SOX5: variants seen among roughly 807,000 people sequenced by gnomAD.
SOX5 encodes the protein transcription factor SOX-5.
A neutral mutation model predicts 92.0 loss-of-function variants in SOX5; 9 were observed. That is an observed-to-expected ratio of 0.10 (90% CI 0.06 to 0.17). The LOEUF is 0.17. SOX5 is among the 10% of genes least tolerant of loss of function. SOX5 has a pLI of 1.00. For missense variants in SOX5, 642 were observed against 944.5 expected (o/e 0.68, Z 4.20); for synonymous variants, 344 against 336.3 (o/e 1.02, Z -0.25).
chr12:24,016,641 C>CA (rs1288545569), intron 4 of SOX5, among the ~76,000 whole-genome samples: 3 of 151,966 alleles, frequency 2.0e-5, no homozygotes, highest in African/African-American at 4.8e-5. Context: ...TGCAGAAACG[C>CA]AAAAAAATGG....
chr12:24,444,847 CCTCT>C (rs1386138203), intron 1 of SOX5, among the ~76,000 whole-genome samples: 2 of 152,186 alleles, frequency 1.3e-5, no homozygotes, highest in African/African-American at 4.8e-5. Context: ...CTCAATTCAA[CCTCT>C]CTATCTGCCC....
At chr12:23,932,723 A>AT (rs952940954) in intron 1 of SOX5, among the ~76,000 whole-genome samples, 1 of 151,608 alleles carries the variant, frequency 6.6e-6, no homozygotes, top group African/African-American at 2.4e-5. Context: ...ATCTGATTAA[A>AT]TGAACATTTT....
chr12:24,287,406 T>C (rs548879048), intron 2 of SOX5, among the ~76,000 whole-genome samples: 8 of 152,176 alleles, frequency 5.3e-5, no homozygotes, highest in Non-Finnish European at 1.2e-4. Flanking sequence ...AGAGGAAACA[T>C]GAACAAAGTA....
intron 2 of SOX5, among the ~76,000 whole-genome samples, chr12:24,284,791 G>C (rs942254303): frequency 6.6e-6 from 1 of 152,130 alleles, no homozygotes; most frequent in Non-Finnish European, 1.5e-5. Context: ...AATTTTTACT[G>C]TCAATGTGTA....
At chr12:23,951,285 A>G (rs1595871948), upstream of SOX5, among the ~76,000 whole-genome samples, 1 of 151,686 alleles carries the variant, frequency 6.6e-6, no homozygotes, top group East Asian at 2.0e-4. Context: ...AAAAAAAAAT[A>G]AAAGCCAGAC....
At chr12:23,674,893 T>C (rs987864751) in intron 6 of SOX5, among the ~76,000 whole-genome samples, 1 of 152,042 alleles carries the variant, frequency 6.6e-6, no homozygotes, top group Non-Finnish European at 1.5e-5. Flanking sequence ...TAGAACGACA[T>C]AGTACCTGGC....
chr12:23,850,399 G>A (rs1308456320), intron 2 of SOX5, among the ~76,000 whole-genome samples: 19 of 149,534 alleles, frequency 1.3e-4, no homozygotes, highest in East Asian at 2.0e-4. Flanking sequence ...ACTGCACTCC[G>A]GCCTGGTGAC....
At chr12:24,395,830 T>A (rs934215024) in intron 1 of SOX5, among the ~76,000 whole-genome samples, 4 of 152,184 alleles carry the variant, frequency 2.6e-5, no homozygotes, top group Non-Finnish European at 5.9e-5. Flanking sequence ...AACCAGGATT[T>A]CCTGGGTACT....
In SOX5 at chr12:23,804,419, A is replaced by G. The variant is rs140800101; in HGVS notation, c.481+41564T>C. ...TTCCAGTAAGTGTGTGGCCAGGAAG[A>G]ATAGGCAATGAGAAAAATGGATTGT... On this transcript the variant is annotated intron_variant, in intron 3 of 14. Transcript: ENST00000451604. Among the ~76,000 whole-genome samples the G allele has an allele frequency of 8.2e-3, 1,253 of 152,232 alleles. 34 individuals carry two copies. The South Asian group carries it at 0.087, about 11-fold the overall frequency.
rs944231036 is a variant in SOX5 at position 23,874,623 on chromosome 12, A to G, written c.270+21170T>C. Among the ~76,000 whole-genome samples the G allele has an allele frequency of 2.6e-5, 4 of 152,222 alleles. No homozygotes were observed. In the East Asian group the frequency reaches 7.7e-4, roughly 29 times the overall value. The stretch of plus-strand genomic sequence containing the variant: ...GAGAATTTAGCCCAAAGCTAGAGTT[A>G]TAAGAAGAGAGAGAGAGTGAATAGA... On this transcript the variant is annotated intron_variant, in intron 2 of 14. Coordinates refer to ENST00000451604, the MANE Select transcript of SOX5 (RefSeq NM_006940.6).
chr12:24,477,729 A>G (rs911105639), intron 1 of SOX5, among the ~76,000 whole-genome samples: 1 of 152,144 alleles, frequency 6.6e-6, no homozygotes, highest in Non-Finnish European at 1.5e-5. Flanking sequence ...TTTATCAAAT[A>G]CTATTAAAAT....
chr12:24,169,716 C>T (rs921719557), intron 4 of SOX5, among the ~76,000 whole-genome samples: 2 of 152,272 alleles, frequency 1.3e-5, no homozygotes, highest in African/African-American at 2.4e-5. Context: ...GATTAGGATG[C>T]CACGTGCGAT....
At chr12:23,604,565 A>T in intron 8 of SOX5, 32 bp from the exon 9 acceptor site, 7 of 1,595,076 alleles carry the variant, frequency 4.4e-6, no homozygotes, top group Non-Finnish European at 6.0e-6. Flanking sequence ...AGGGAGAAAG[A>T]ATACTGTGAA....
intron 2 of SOX5, among the ~76,000 whole-genome samples, chr12:24,307,312 AGACT>A (rs150533732): frequency 0.12 from 17,897 of 152,136 alleles, 1,396 homozygotes; most frequent in Non-Finnish European, 0.17. Flanking sequence ...TTGAAAATAT[AGACT>A]GTCTTTTTTC....
Position 23,740,978 on chromosome 12 carries a change from G to A in SOX5, c.630C>T (p.Thr210=), listed in dbSNP as rs188932107. 2 of 1,612,124 alleles carry A rather than the reference G, an allele frequency of 1.2e-6. No homozygotes were observed. The highest frequency in any genetic ancestry group is 3.3e-5 in the Admixed American group (2 of 59,920). The change falls in exon 5 of 15, where the codon ACC becomes ACT. Residue 210 remains threonine, a synonymous_variant. Transcript: ENST00000451604. The part of the protein sequence containing the change: ...RQLMGMINQL[T]SLREQLLAAH... ...CAGCCAACAGCTGCTCTCGGAGGCTGGTCAGCTGGTTGATCATACCCATGA... is the reference window on the plus strand; with the variant it reads ...CAGCCAACAGCTGCTCTCGGAGGCTAGTCAGCTGGTTGATCATACCCATGA...
chr12:23,716,948 A>T (rs2140470345), intron 6 of SOX5, among the ~76,000 whole-genome samples: 1 of 152,244 alleles, frequency 6.6e-6, no homozygotes, highest in East Asian at 1.9e-4. Flanking sequence ...CACCATCCAC[A>T]CACAAAGGAA....
chr12:23,740,737 C>T, intron 5 of SOX5, 130 bp downstream of exon 5: 1 of 794,502 alleles, frequency 1.3e-6, no homozygotes, highest in Non-Finnish European at 1.8e-6. Flanking sequence ...GCTTTTTTGG[C>T]CTTTGAATTT....
chr12:24,375,603 G>A (rs1024615105), intron 1 of SOX5, among the ~76,000 whole-genome samples: 2 of 151,774 alleles, frequency 1.3e-5, no homozygotes, highest in African/African-American at 4.8e-5. Context: ...GGGCATGGTG[G>A]TGGGCACCTG....
intron 4 of SOX5, among the ~76,000 whole-genome samples, chr12:24,051,774 C>G (rs957741767): frequency 2.6e-5 from 4 of 152,130 alleles, no homozygotes; most frequent in African/African-American, 9.7e-5. Flanking sequence ...AATCCAACTT[C>G]CCGTATTTCT....
Sources: allele counts gnomAD v4.1 joint callset (sites outside exome capture counted in the v4.1 genomes callset), GRCh38; gene constraint gnomAD v4.1.1; transcripts MANE v1.5; gene names NCBI Gene and HGNC (gene_info 2026-07-23, HGNC 2026-07-21).